Variants in WDR93 observed in about 807,000 individuals in gnomAD.
The protein encoded by WDR93 is WD repeat-containing protein 93.
A neutral mutation model predicts 82.9 loss-of-function variants in WDR93; 73 were observed. That is an observed-to-expected ratio of 0.88 (90% confidence interval 0.73 to 1.07). The LOEUF is 1.07. WDR93 is among the 50% of genes least tolerant of loss of function. The probability of loss-of-function intolerance (pLI) is 0.00; values close to 1 mark genes in which losing one functional copy is unlikely to be tolerated. For synonymous variants in WDR93, 283 were observed against 300.1 expected, an observed-to-expected ratio of 0.94 and a Z score of 0.59; for missense variants, 738 against 826.0, an observed-to-expected ratio of 0.89 and a Z score of 1.31.
At chr15:89,729,337 G>T (rs1301914651) in intron 10 of WDR93, among the ~76,000 whole-genome samples, 6 of 152,094 alleles carry the variant, frequency 3.9e-5, no homozygotes, top group Non-Finnish European at 8.8e-5. Flanking sequence ...GAAGGCATGA[G>T]CCCACATCCA....
chr15:89,702,167 T>A, intron 2 of WDR93, 118 bp downstream of exon 2: 1 of 1,151,670 alleles, frequency 8.7e-7, no homozygotes, highest in South Asian at 1.7e-5. Flanking sequence ...GTCAGTGCAT[T>A]TTTGAAAGAT....
intron 9 of WDR93, among the ~76,000 whole-genome samples, 196 bp from the exon 10 acceptor site, chr15:89,728,827 A>G (rs1242859948): frequency 6.6e-6 from 1 of 152,046 alleles, no homozygotes; most frequent in African/African-American, 2.4e-5. Context: ...GCCCCACCCA[A>G]CCTGCCCTCA....
chr15:89,730,316 C>A (rs1966849093), intron 11 of WDR93, among the ~76,000 whole-genome samples: 2 of 108,126 alleles, frequency 1.8e-5, no homozygotes, highest in South Asian at 3.3e-4. Context: ...CAGAGCAAGA[C>A]TATCTCAAAA....
intron 10 of WDR93, 134 bp downstream of exon 10, chr15:89,729,227 A>C: frequency 1.2e-6 from 1 of 811,990 alleles, no homozygotes; most frequent in Non-Finnish European, 2.1e-6. Flanking sequence ...TTTGGTTGCC[A>C]GCTGTAGCCT....
intron 9 of WDR93, 127 bp downstream of exon 9, chr15:89,727,455 G>T: frequency 9.3e-7 from 1 of 1,071,886 alleles, no homozygotes; most frequent in South Asian, 1.6e-5. Flanking sequence ...GGCCGGGACA[G>T]TGGCCCACAT....
intron 16 of WDR93, among the ~76,000 whole-genome samples, chr15:89,739,284 T>C (rs958724431): frequency 2.0e-5 from 3 of 152,190 alleles, no homozygotes; most frequent in African/African-American, 7.2e-5. Context: ...GGCTACTGTA[T>C]GCTATGGCAG....
chr15:89,720,406 G>A (rs894851955), intron 7 of WDR93, among the ~76,000 whole-genome samples: 1 of 152,078 alleles, frequency 6.6e-6, no homozygotes, highest in Non-Finnish European at 1.5e-5. Context: ...CCAAGTAGCT[G>A]GGATTACAGG....
At chr15:89,693,305 A>G (rs1964995485) in intron 1 of WDR93, among the ~76,000 whole-genome samples, 1 of 152,202 alleles carries the variant, frequency 6.6e-6, no homozygotes, top group African/African-American at 2.4e-5. Context: ...TGGCTATCCT[A>G]TTTTGTATTA....
At chr15:89,733,350 T>G in intron 13 of WDR93, 131 bp downstream of exon 13, 2 of 839,666 alleles carry the variant, frequency 2.4e-6, no homozygotes, top group East Asian at 5.3e-5. Context: ...CTGGTGAGCT[T>G]CTGAAGATCA....
rs78434099 is a variant in WDR93 at position 89,709,131 on chromosome 15, T to C, written c.562-2895T>C. On this transcript the variant is annotated intron_variant, in intron 4 of 16. Coordinates refer to ENST00000268130, the MANE Select transcript of WDR93 (RefSeq NM_020212.2). ...TACACCACAATTCTCCAGGGCCCCT[T>C]CTCACCAAAGACAGAGAGGTCAGCA... Among the ~76,000 whole-genome samples, 329 of 152,234 alleles carry C rather than the reference T, an allele frequency of 2.2e-3. 6 individuals are homozygous for C. The highest frequency in any genetic ancestry group is 7.7e-3 in the African/African-American group (320 of 41,532).
chr15:89,701,987 C>T lies in WDR93; in HGVS notation c.241C>T (p.Leu81=). 1 of 1,613,256 alleles carries T rather than the reference C, an allele frequency of 6.2e-7. No individual in the cohort carries two copies. The highest frequency in any genetic ancestry group is 2.2e-5 in the East Asian group (1 of 44,878). Residue 81 remains leucine, a synonymous_variant, in exon 2 of 17, where the codon CTG becomes TTG. Transcript: ENST00000268130. ...GGAAATTATTGAAGAGAGAAACGCA[C>T]TGAGGGAAGCTGAGAGCAGCCAGAT... is the stretch of plus-strand genomic sequence containing the variant. The part of the protein sequence containing the change: ...SWEIIEERNA[L]REAESSQIQP...
In WDR93 at chr15:89,715,025, C is replaced by A; in HGVS notation, c.686C>A (p.Thr229Asn). ...WLDVYKLPKE[T>N]WLKKLEHPQL... The stretch of plus-strand genomic sequence containing the variant: ...GATGTGTATAAATTGCCCAAGGAGA[C>A]TTGGCTCAAGAAACTAGAGCACCCC... Residue 229 changes from threonine to asparagine, a missense_variant, in exon 6 of 17, where the codon ACT becomes AAT. Physicochemically the swap from Thr to Asn is moderately conservative, Grantham distance 65 (BLOSUM62 0). Coordinates refer to ENST00000268130, the MANE Select transcript of WDR93 (RefSeq NM_020212.2). The A allele has an allele frequency of 6.2e-7, 1 of 1,614,090 alleles. No individual in the cohort carries two copies. The highest frequency in any genetic ancestry group is 8.5e-7 in the Non-Finnish European group (1 of 1,179,984).
upstream of WDR93, chr15:89,690,506 G>C (rs1222289283): frequency 8.6e-7 from 1 of 1,156,698 alleles, no homozygotes; most frequent in African/African-American, 1.5e-5. Flanking sequence ...CTTTTTCCCG[G>C]GTGCAGGGGA....
intron 8 of WDR93, among the ~76,000 whole-genome samples, chr15:89,722,927 G>A (rs1332396277): frequency 4.6e-5 from 7 of 152,140 alleles, no homozygotes; most frequent in African/African-American, 1.4e-4. Flanking sequence ...AATCTGGGCC[G>A]TGTGCGGCGG....
intron 7 of WDR93, among the ~76,000 whole-genome samples, chr15:89,719,194 C>T (rs1966405948): frequency 6.6e-6 from 1 of 152,000 alleles, no homozygotes; most frequent in Non-Finnish European, 1.5e-5. Flanking sequence ...CTCAAGCAGT[C>T]CTCTCACCTC....
intron 2 of WDR93, 27 bp downstream of exon 2, chr15:89,702,076 C>T: frequency 6.3e-7 from 1 of 1,575,268 alleles, no homozygotes; most frequent in Non-Finnish European, 8.6e-7. Context: ...TGACCAGGAG[C>T]CCCTGTTTCT....
At chr15:89,709,476 A>G (rs1046880903) in intron 4 of WDR93, among the ~76,000 whole-genome samples, 1 of 151,866 alleles carries the variant, frequency 6.6e-6, no homozygotes, top group Non-Finnish European at 1.5e-5. Context: ...AACAAGCCAA[A>G]GACTGGGAGA....
chr15:89,720,361 C>T (rs1966470398), intron 7 of WDR93, among the ~76,000 whole-genome samples: 1 of 151,928 alleles, frequency 6.6e-6, no homozygotes, highest in Non-Finnish European at 1.5e-5. Flanking sequence ...CAACCTCTGC[C>T]TCCCGGGTTC....
intron 8 of WDR93, among the ~76,000 whole-genome samples, chr15:89,725,376 G>A (rs1010246942): frequency 2.0e-5 from 3 of 151,994 alleles, no homozygotes; most frequent in Admixed American, 2.0e-4. Context: ...TTAGAATCAG[G>A]CAAAATGAAA....
Sources: gnomAD v4.1 joint callset for allele counts (sites outside exome capture counted in the v4.1 genomes callset) on GRCh38, gnomAD v4.1.1 for gene constraint, MANE v1.5 for transcripts, NCBI Gene and HGNC (gene_info 2026-07-23, HGNC 2026-07-21) for gene names.